ASB7: variants seen among roughly 807,000 people sequenced by gnomAD.
ASB7 encodes ankyrin repeat and SOCS box containing 7, also known as ankyrin repeat and SOCS box protein 7.
ASB7 carries 4 observed loss-of-function variants against 32.5 expected under a neutral mutation model. The observed-to-expected ratio is 0.12, with a 90% CI of 0.06 to 0.28. The LOEUF (loss-of-function observed/expected upper bound fraction) is 0.28, where lower values mean the gene tolerates loss of function less well. Among genes scored for constraint, ASB7 ranks in the 10% least tolerant of loss-of-function variants. The pLI is 1.00. For missense variants in ASB7, 181 were observed against 407.1 expected (o/e 0.44, Z 4.78); for synonymous variants, 172 against 155.6 (o/e 1.11, Z -0.78).
At position 100,629,402 on chromosome 15, in the gene ASB7, G is replaced by A. The variant is rs2039866620; in HGVS notation, c.212-35G>A. 1 of 1,544,344 alleles carries A rather than the reference G, an allele frequency of 6.5e-7. No homozygotes were observed. Among genetic ancestry groups the A allele is most frequent in the South Asian group, 1.2e-5 (1 of 84,340 alleles). On this transcript the variant is annotated intron_variant, in intron 4 of 5. Coordinates refer to ENST00000332783, the MANE Select transcript of ASB7 (RefSeq NM_198243.3). This position sits in a 1 kb window ranked among gnomAD's most constrained non-coding sequence, Gnocchi z 6.8. Reference sequence around the variant, plus strand: ...GTAATGTTTGTTGTTTTGTCTTGGAGTCTGCTAATACTTTCATTTTGGTTT... The same window carrying A: ...GTAATGTTTGTTGTTTTGTCTTGGAATCTGCTAATACTTTCATTTTGGTTT...
At chr15:100,606,756 T>G (rs61288536) in intron 2 of ASB7, among the ~76,000 whole-genome samples, 1 of 152,270 alleles carries the variant, frequency 6.6e-6, no homozygotes, top group South Asian at 2.1e-4. Flanking sequence ...GCTTTTTTTT[T>G]CCTTGTGACT....
chr15:100,641,349 A>G (rs2039960443), intron 5 of ASB7, among the ~76,000 whole-genome samples: 1 of 152,202 alleles, frequency 6.6e-6, no homozygotes, highest in Non-Finnish European at 1.5e-5. Context: ...TCTACTCTTA[A>G]AATGCCATTT....
intron 5 of ASB7, among the ~76,000 whole-genome samples, chr15:100,637,412 C>T (rs777970211): frequency 2.6e-5 from 4 of 152,138 alleles, no homozygotes; most frequent in Non-Finnish European, 4.4e-5. Flanking sequence ...CTGTGAGATT[C>T]GTAGTATCTA....
At chr15:100,609,349 G>A (rs1450809993) in intron 2 of ASB7, among the ~76,000 whole-genome samples, 1 of 152,172 alleles carries the variant, frequency 6.6e-6, no homozygotes, top group Non-Finnish European at 1.5e-5. Context: ...GTGACTTATG[G>A]TGTCGGTTAA....
At chr15:100,636,444 G>T (rs556619511) in intron 5 of ASB7, among the ~76,000 whole-genome samples, 2 of 152,292 alleles carry the variant, frequency 1.3e-5, no homozygotes, top group East Asian at 3.9e-4. Flanking sequence ...TGCCCACTGG[G>T]ATCAGGTGTC....
chr15:100,612,254 A>G lies in ASB7; in HGVS notation c.38A>G (p.Gln13Arg). Residue 13 changes from glutamine to arginine, a missense_variant, in exon 4 of 6, where the codon CAG (glutamine) becomes CGG (arginine). Transcript: ENST00000332783. ...CATTGTCGAAGGAACCCTGAGCTCC[A>G]GGAAGAGTTGCAGATTCAGGCCGCG... is the stretch of plus-strand genomic sequence containing the variant. ...HHHCRRNPEL[Q>R]EELQIQAAVA... 6.2e-7 allele frequency: 1 copy of G among 1,614,150 alleles called. No homozygotes were observed. The highest frequency in any genetic ancestry group is 8.5e-7 in the Non-Finnish European group (1 of 1,179,990).
At chr15:100,646,235 T>C (rs2039995974) in intron 5 of ASB7, 2 of 401,084 alleles carry the variant, frequency 5.0e-6, no homozygotes, top group Non-Finnish European at 9.9e-6. Flanking sequence ...CTGTTAACAA[T>C]ATCCATGTGT....
At chr15:100,616,307 G>GT (rs35594989) in intron 4 of ASB7, among the ~76,000 whole-genome samples, 35,400 of 151,948 alleles carry the variant, frequency 0.23, 4,315 homozygotes, top group Non-Finnish European at 0.26. Context: ...TCTTTCTGTA[G>GT]TTTTTTCACA....
chr15:100,626,297 A>G (rs1014532297), intron 4 of ASB7, among the ~76,000 whole-genome samples: 2 of 152,200 alleles, frequency 1.3e-5, no homozygotes, highest in South Asian at 2.1e-4. Flanking sequence ...TGAGGAGACA[A>G]CCAATAAAAA....
rs890594079 is a variant in ASB7 at position 100,602,827 on chromosome 15, C to T, written c.-492C>T. Reference sequence around the variant, plus strand: ...CCCCCACCCGAGCCAGGACTTCCTCCCTGCCTCCCTGCACCTCTGCCCCAA... The same window carrying T: ...CCCCCACCCGAGCCAGGACTTCCTCTCTGCCTCCCTGCACCTCTGCCCCAA... On this transcript the variant is annotated 5_prime_UTR_variant, in exon 1 of 6. Transcript: ENST00000332783. 4 of 392,214 alleles carry T rather than the reference C, an allele frequency of 1.0e-5. No individual in the cohort carries two copies. The highest frequency in any genetic ancestry group is 8.3e-5 in the African/African-American group (4 of 48,388). The allele number at this position is 392,214 out of a possible 1,614,324, so 24.3% of individuals were successfully genotyped here.
chr15:100,646,962 C>A (rs1314594087), intron 5 of ASB7, among the ~76,000 whole-genome samples: 1 of 152,112 alleles, frequency 6.6e-6, no homozygotes, highest in African/African-American at 2.4e-5. Flanking sequence ...TATGAAAATT[C>A]AGCTATCATC....
intron 5 of ASB7, among the ~76,000 whole-genome samples, chr15:100,635,542 C>A: frequency 6.6e-6 from 1 of 152,058 alleles, no homozygotes; most frequent in East Asian, 1.9e-4. Flanking sequence ...GGTTCCGGTC[C>A]CTGCAGTGCC....
chr15:100,616,225 G>C (rs539845871), intron 4 of ASB7, among the ~76,000 whole-genome samples: 2 of 151,962 alleles, frequency 1.3e-5, no homozygotes, highest in African/African-American at 4.8e-5. Context: ...TTGCAAGACT[G>C]GGCTTTTTGT....
chr15:100,649,012 A>G lies in ASB7; in HGVS notation c.*550A>G, dbSNP rs2141410526. The G allele has an allele frequency of 6.5e-6, 1 of 152,746 alleles. No homozygotes were observed. The highest frequency in any genetic ancestry group is 2.1e-4 in the South Asian group (1 of 4,828). The allele number at this position is 152,746 out of a possible 1,614,324, so 9.5% of individuals were successfully genotyped here. A position where few individuals can be genotyped will look rare whatever the true frequency, so the allele number is the denominator to read the frequency against. On this transcript the variant is annotated 3_prime_UTR_variant, in exon 6 of 6. Coordinates refer to ENST00000332783, the MANE Select transcript of ASB7 (RefSeq NM_198243.3). ...CTAATTAATGTAGCTTTCGGATGAC[A>G]TAAATCCAGTATCTCTGCTTATGAC...
Position 100,629,870 on chromosome 15 carries a change from G to A in ASB7, c.645G>A (p.Gln215=), listed in dbSNP as rs2039870816. The A allele has an allele frequency of 1.9e-6, 3 of 1,614,188 alleles. No homozygotes were observed. Among genetic ancestry groups the A allele is most frequent in the Non-Finnish European group, 2.5e-6 (3 of 1,180,036 alleles). Residue 215 remains glutamine, a synonymous_variant, in exon 5 of 6, where the codon CAG becomes CAA. Coordinates refer to ENST00000332783, the MANE Select transcript of ASB7 (RefSeq NM_198243.3). This position sits in a 1 kb window ranked among gnomAD's most constrained non-coding sequence, Gnocchi z 6.8. ...ACTTGGGTCGCTTAGAAGACGGACA[G>A]ACTCCTTTACACTTATCTGCCCTTA... The part of the protein sequence containing the change: ...DTNLGRLEDG[Q]TPLHLSALRD...
rs912492530 is a variant in ASB7, at chr15:100,651,199, T to A, written c.*2737T>A. 1 of 124,212 alleles carries A rather than the reference T, an allele frequency of 8.1e-6. No individual in the cohort carries two copies. Among genetic ancestry groups the A allele is most frequent in the Admixed American group, 7.8e-5 (1 of 12,894 alleles). 7.7% of individuals were successfully genotyped at this position (124,212 alleles called of 1,614,324 possible). A position where few individuals can be genotyped will look rare whatever the true frequency, so the allele number is the denominator to read the frequency against. Reference sequence around the variant, plus strand: ...ATCTTTCGAAAACAAGGTTTTGTGTTTTTTTTTTTTTGTAAATATTTGTGT... The same window carrying A: ...ATCTTTCGAAAACAAGGTTTTGTGTATTTTTTTTTTTGTAAATATTTGTGT... On this transcript the variant is annotated 3_prime_UTR_variant, in exon 6 of 6. Coordinates refer to ENST00000332783, the MANE Select transcript of ASB7 (RefSeq NM_198243.3).
chr15:100,629,774 G>A lies in ASB7; in HGVS notation c.549G>A (p.Leu183=), dbSNP rs762077653. ...ACATCGACATTCAGAATGGTTTCCT[G>A]TTGCGATACGCCGTGATCAAAAGCA... The part of the protein sequence containing the change: ...NANIDIQNGF[L]LRYAVIKSNH... Residue 183 remains leucine (L), a synonymous_variant, in exon 5 of 6, where the codon CTG becomes CTA. Coordinates refer to ENST00000332783, the MANE Select transcript of ASB7 (RefSeq NM_198243.3). This position sits in a 1 kb window ranked among gnomAD's most constrained non-coding sequence, Gnocchi z 6.8. 3.7e-6 allele frequency: 6 copies of A among 1,614,106 alleles called. No homozygotes were observed. Among genetic ancestry groups the A allele is most frequent in the Non-Finnish European group, 5.1e-6 (6 of 1,180,036 alleles).
At chr15:100,606,351 G>A (rs1232751812) in intron 2 of ASB7, among the ~76,000 whole-genome samples, 1 of 152,170 alleles carries the variant, frequency 6.6e-6, no homozygotes, top group East Asian at 1.9e-4. Context: ...AGAAAGCACA[G>A]TTCAGTTTGC....
At chr15:100,617,470 C>T (rs1369134943) in intron 4 of ASB7, among the ~76,000 whole-genome samples, 1 of 152,158 alleles carries the variant, frequency 6.6e-6, no homozygotes, top group Non-Finnish European at 1.5e-5. Flanking sequence ...TCTGCTCTCT[C>T]CCCACCCCTG....
Sources: gnomAD v4.1 joint callset for allele counts (sites outside exome capture counted in the v4.1 genomes callset) on GRCh38, gnomAD v4.1.1 for gene constraint, Gnocchi (gnomAD v3.1) non-coding constraint, MANE v1.5 for transcripts, NCBI Gene and HGNC (gene_info 2026-07-23, HGNC 2026-07-21) for gene names.